The following BACE2 variants were observed in gnomAD, a reference collection of about 807,000 sequenced individuals.
The protein encoded by BACE2 is 56 kDa aspartic-like protease.
In BACE2, 17 loss-of-function variants were observed where a neutral mutation model predicts 46.2. The observed-to-expected ratio is 0.37, with a 90% CI of 0.25 to 0.55. The LOEUF (loss-of-function observed/expected upper bound fraction) is 0.55. Among genes scored for constraint, BACE2 ranks in the 20% least tolerant of loss-of-function variants. The pLI, the probability that BACE2 is intolerant of heterozygous loss-of-function variation, is 0.82. For synonymous variants in BACE2, 277 were observed against 295.9 expected (o/e 0.94, Z 0.66); for missense variants, 595 against 698.1 (o/e 0.85, Z 1.66).
At chr21:41,202,882 T>C (rs1008042431) in intron 1 of BACE2, among the ~76,000 whole-genome samples, 5 of 152,210 alleles carry the variant, frequency 3.3e-5, no homozygotes, top group Non-Finnish European at 7.3e-5. Flanking sequence ...TCTGAGGTGA[T>C]TCCAGTGATC....
chr21:41,203,334 G>C (rs1450302909), intron 1 of BACE2, among the ~76,000 whole-genome samples: 1 of 152,126 alleles, frequency 6.6e-6, no homozygotes, highest in African/African-American at 2.4e-5. Context: ...AAGGAGGGGT[G>C]GGAGAGCAAG....
intron 2 of BACE2, among the ~76,000 whole-genome samples, chr21:41,236,353 C>T (rs1295257525): frequency 6.6e-6 from 1 of 152,196 alleles, no homozygotes; most frequent in African/African-American, 2.4e-5. Flanking sequence ...CACTTGAGGT[C>T]CCCTTGCCTG....
chr21:41,186,680 C>G (rs868062865), intron 1 of BACE2: 5 of 152,306 alleles, frequency 3.3e-5, no homozygotes, highest in African/African-American at 1.2e-4. Context: ...CAAGGGTGAG[C>G]TGGTGGTGTT....
In BACE2 at chr21:41,279,729, G is replaced by A. The variant is rs1223162567; in HGVS notation, c.*4105G>A. ...TCCAAACTTCAGGAATATTCAAGCG[G>A]GAGTCATGTGTAAGTGACAGCTTTG... is the stretch of plus-strand genomic sequence containing the variant. On this transcript the variant is annotated 3_prime_UTR_variant, in exon 9 of 9. Coordinates refer to ENST00000330333, the MANE Select transcript of BACE2 (RefSeq NM_012105.5). The A allele has an allele frequency of 1.3e-5, 2 of 152,270 alleles. No individual in the cohort carries two copies. Among genetic ancestry groups the A allele is most frequent in the African/African-American group, 4.8e-5 (2 of 41,446 alleles). The allele number at this position is 152,270 out of a possible 1,614,324, so 9.4% of individuals were successfully genotyped here.
intron 1 of BACE2, among the ~76,000 whole-genome samples, chr21:41,205,218 C>T (rs1432464899): frequency 6.6e-6 from 1 of 152,236 alleles, no homozygotes; most frequent in Non-Finnish European, 1.5e-5. Context: ...TGTAGATTAT[C>T]AGTCATTATC....
chr21:41,194,506 T>C (rs1344278593), intron 1 of BACE2, among the ~76,000 whole-genome samples: 2 of 152,204 alleles, frequency 1.3e-5, no homozygotes, highest in South Asian at 4.1e-4. Flanking sequence ...TGGGGGACTT[T>C]AGGGAAAGCT....
intron 2 of BACE2, among the ~76,000 whole-genome samples, chr21:41,232,259 C>A (rs533143139): frequency 3.9e-5 from 6 of 152,154 alleles, no homozygotes; most frequent in African/African-American, 1.4e-4. Context: ...GGAACTCTGC[C>A]GTTTAGACAC....
rs1002530356 is a variant in BACE2 at position 41,280,905 on chromosome 21, G to A, written c.*5281G>A. 25 of 152,250 alleles carry A rather than the reference G, an allele frequency of 1.6e-4. No individual in the cohort carries two copies. The highest frequency in any genetic ancestry group is 5.3e-4 in the African/African-American group (22 of 41,462). 9.4% of individuals were successfully genotyped at this position (152,250 alleles called of 1,614,324 possible). The stretch of plus-strand genomic sequence containing the variant: ...CACTTGTGTGCTTAAAAAGCACACC[G>A]TGGGTAGTGACTGGGCCAAGAGACA... On this transcript the variant is annotated 3_prime_UTR_variant, in exon 9 of 9. Transcript: ENST00000330333.
At chr21:41,263,490 A>G (rs1007822720) in intron 8 of BACE2, among the ~76,000 whole-genome samples, 1 of 152,236 alleles carries the variant, frequency 6.6e-6, no homozygotes. Context: ...TCAGTGGAAC[A>G]CTGCCAGCAA....
At chr21:41,270,455 T>A (rs1601324498) in intron 8 of BACE2, among the ~76,000 whole-genome samples, 1 of 152,300 alleles carries the variant, frequency 6.6e-6, no homozygotes, top group South Asian at 2.1e-4. Context: ...TCTTGCTCTG[T>A]CACCAGACTA....
At chr21:41,269,117 G>T (rs1326258070) in intron 8 of BACE2, among the ~76,000 whole-genome samples, 1 of 152,048 alleles carries the variant, frequency 6.6e-6, no homozygotes, top group Non-Finnish European at 1.5e-5. Context: ...ACCACGCCTG[G>T]CTAATTTTGT....
At chr21:41,259,420 T>C (rs1423275510) in intron 8 of BACE2, among the ~76,000 whole-genome samples, 1 of 151,008 alleles carries the variant, frequency 6.6e-6, no homozygotes, top group Non-Finnish European at 1.5e-5. Context: ...CCCTAATAAA[T>C]GGAATAGCTA....
At chr21:41,256,300 C>G (rs1987786142) in intron 7 of BACE2, among the ~76,000 whole-genome samples, 1 of 152,114 alleles carries the variant, frequency 6.6e-6, no homozygotes, top group Non-Finnish European at 1.5e-5. Flanking sequence ...TCCATGTGTT[C>G]TTATTGTTCA....
intron 7 of BACE2, among the ~76,000 whole-genome samples, chr21:41,254,684 C>T (rs1425155804): frequency 2.0e-5 from 3 of 152,176 alleles, no homozygotes; most frequent in Non-Finnish European, 4.4e-5. Flanking sequence ...CAGGTTTGAC[C>T]CATTTCCCCA....
At position 41,275,588 on chromosome 21, in the gene BACE2, T is replaced by C. The variant is rs141619389; in HGVS notation, c.1521T>C (p.Asn507=). ...GCCCCCGTGACCCTGAGGTCGTCAA[T>C]GATGAGTCCTCTCTGGTCAGACATC... ...QRRPRDPEVV[N]DESSLVRHRW... is the part of the protein sequence containing the mutation. Residue 507 remains asparagine, a synonymous_variant, in exon 9 of 9, where the codon AAT becomes AAC. Transcript: ENST00000330333. 32 of 1,613,986 alleles carry C rather than the reference T, an allele frequency of 2.0e-5. No individual in the cohort carries two copies. In the African/African-American group the frequency reaches 3.9e-4, roughly 20 times the overall value.
chr21:41,268,894 A>T (rs1164708871), intron 8 of BACE2, among the ~76,000 whole-genome samples: 1 of 152,140 alleles, frequency 6.6e-6, no homozygotes, highest in Non-Finnish European at 1.5e-5. Context: ...TACTAAATCA[A>T]TGTCCATGTA....
intron 2 of BACE2, among the ~76,000 whole-genome samples, chr21:41,234,064 T>C (rs1987041011): frequency 6.6e-6 from 1 of 152,196 alleles, no homozygotes; most frequent in African/African-American, 2.4e-5. Context: ...CCATGTATTG[T>C]GGGAGGGACC....
chr21:41,238,715 A>G (rs1208405458), intron 3 of BACE2, among the ~76,000 whole-genome samples: 1 of 149,420 alleles, frequency 6.7e-6, no homozygotes, highest in Non-Finnish European at 1.5e-5. Context: ...AACAAACCAA[A>G]CACCGCATAT....
intron 1 of BACE2, among the ~76,000 whole-genome samples, chr21:41,220,217 C>A (rs1473646346): frequency 6.6e-6 from 1 of 152,166 alleles, no homozygotes; most frequent in South Asian, 2.1e-4. Flanking sequence ...CCGTGCCCCC[C>A]CTGTACACGC....
Sources: allele counts gnomAD v4.1 joint callset (sites outside exome capture counted in the v4.1 genomes callset), GRCh38; gene constraint gnomAD v4.1.1; transcripts MANE v1.5; gene names NCBI Gene and HGNC (gene_info 2026-07-23, HGNC 2026-07-21).